The following STPG2 variants were observed in gnomAD, a reference collection of about 807,000 sequenced individuals.
STPG2 encodes the protein sperm tail PG-rich repeat containing 2, also known as sperm-tail PG-rich repeat-containing protein 2.
In STPG2, 56 loss-of-function variants were observed where a neutral mutation model predicts 54.2. That is an observed-to-expected ratio of 1.03 (90% CI 0.83 to 1.29). STPG2 has a LOEUF of 1.29. Ranked by LOEUF, STPG2 falls within the 50% of genes most tolerant of loss-of-function variation. The pLI, the probability that STPG2 is intolerant of heterozygous loss-of-function variation, is 0.00. For synonymous variants in STPG2, 200 were observed against 181.8 expected, an observed-to-expected ratio of 1.10 and a Z score of -0.81; for missense variants, 596 against 544.9, an observed-to-expected ratio of 1.09 and a Z score of -0.93.
chr4:97,856,067 TA>T (rs1560556455), intron 8 of STPG2, among the ~76,000 whole-genome samples: 1 of 152,174 alleles, frequency 6.6e-6, no homozygotes, highest in East Asian at 1.9e-4. Context: ...TTGGTTACTG[TA>T]GCCCCGGACT....
intron 4 of STPG2, among the ~76,000 whole-genome samples, chr4:97,547,768 C>T (rs1560654340): frequency 6.6e-6 from 1 of 152,160 alleles, no homozygotes; most frequent in Non-Finnish European, 1.5e-5. Context: ...GAGGATAAAG[C>T]ATTCCAAGTG....
chr4:97,683,735 A>G (rs1418873515), intron 10 of STPG2, among the ~76,000 whole-genome samples: 1 of 151,836 alleles, frequency 6.6e-6, no homozygotes, highest in Admixed American at 6.6e-5. Flanking sequence ...TCTCACCACT[A>G]GTATTCTATA....
chr4:97,696,205 A>T (rs1723568336), intron 10 of STPG2, among the ~76,000 whole-genome samples: 5 of 152,176 alleles, frequency 3.3e-5, no homozygotes, highest in Admixed American at 3.3e-4. Context: ...ATAATTGAGA[A>T]CCTAGAAATA....
chr4:97,706,162 T>A (rs1049515812), intron 10 of STPG2, among the ~76,000 whole-genome samples: 2 of 152,124 alleles, frequency 1.3e-5, no homozygotes, highest in Non-Finnish European at 2.9e-5. Flanking sequence ...ATATAATATA[T>A]AAAGCATAGG....
At chr4:97,733,890 T>C (rs1724886387) in intron 9 of STPG2, among the ~76,000 whole-genome samples, 1 of 152,340 alleles carries the variant, frequency 6.6e-6, no homozygotes, top group African/African-American at 2.4e-5. Flanking sequence ...GGAGAGGCAG[T>C]TCCTGGCTAT....
intron 9 of STPG2, among the ~76,000 whole-genome samples, chr4:97,767,922 C>A (rs1726102801): frequency 6.6e-6 from 1 of 152,174 alleles, no homozygotes; most frequent in African/African-American, 2.4e-5. Flanking sequence ...AATCCCAGCA[C>A]TTTGGGAGGC....
chr4:97,809,199 A>T (rs1180368398), intron 9 of STPG2, among the ~76,000 whole-genome samples: 8 of 152,212 alleles, frequency 5.3e-5, no homozygotes, highest in Non-Finnish European at 1.2e-4. Flanking sequence ...AGATAGAAAT[A>T]TCTCAAGTCC....
intron 8 of STPG2, among the ~76,000 whole-genome samples, chr4:97,885,464 A>G (rs1730528332): frequency 6.6e-6 from 1 of 152,172 alleles, no homozygotes; most frequent in South Asian, 2.1e-4. Flanking sequence ...TGAAAAATGT[A>G]TTTTCCAACC....
chr4:97,569,575 G>A (rs1409074316), intron 10 of STPG2, among the ~76,000 whole-genome samples: 5 of 152,090 alleles, frequency 3.3e-5, no homozygotes, highest in Non-Finnish European at 7.4e-5. Flanking sequence ...GAATATAACA[G>A]AAATCCATTA....
At chr4:97,935,785 G>T (rs1429023765) in intron 8 of STPG2, among the ~76,000 whole-genome samples, 1 of 152,104 alleles carries the variant, frequency 6.6e-6, no homozygotes, top group Non-Finnish European at 1.5e-5. Context: ...GCTGAGGAGT[G>T]TTTTACTTCC....
rs370467714 is a variant in STPG2, at chr4:98,041,568, C to T, written c.613-60250G>A. On this transcript the variant is annotated intron_variant, in intron 5 of 10. Transcript: ENST00000295268. Reference sequence around the variant, plus strand: ...TGATGCTAAATTTTATCAAATGCTGCTTCTGCATCTATTGAGATGATCATA... The same window carrying T: ...TGATGCTAAATTTTATCAAATGCTGTTTCTGCATCTATTGAGATGATCATA... Among the ~76,000 whole-genome samples, 27 of 151,818 alleles carry T rather than the reference C, an allele frequency of 1.8e-4. 1 individual carries two copies. The highest frequency in any genetic ancestry group is 6.0e-4 in the African/African-American group (25 of 41,482).
intron 7 of STPG2, among the ~76,000 whole-genome samples, chr4:97,954,005 A>G (rs2149242546): frequency 6.6e-6 from 1 of 152,302 alleles, no homozygotes; most frequent in Non-Finnish European, 1.5e-5. Context: ...TTACTGTCAT[A>G]TATATGGTAC....
intron 10 of STPG2, among the ~76,000 whole-genome samples, chr4:97,640,912 A>G (rs1386648166): frequency 2.0e-5 from 3 of 151,740 alleles, no homozygotes; most frequent in African/African-American, 7.2e-5. Context: ...AAGGTTAGGC[A>G]TAAACATAGA....
intron 4 of STPG2, among the ~76,000 whole-genome samples, chr4:97,508,287 C>T (rs6816658): frequency 0.082 from 12,417 of 151,984 alleles, 727 homozygotes; most frequent in African/African-American, 0.17. Context: ...AAAAGATACA[C>T]ACTATTTTCA....
At chr4:97,913,208 A>T (rs1731747618) in intron 8 of STPG2, among the ~76,000 whole-genome samples, 1 of 152,168 alleles carries the variant, frequency 6.6e-6, no homozygotes, top group Admixed American at 6.5e-5. Context: ...TTAACAAATG[A>T]TTCTATTTTT....
intron 8 of STPG2, among the ~76,000 whole-genome samples, chr4:97,898,984 G>C (rs188869944): frequency 2.8e-4 from 42 of 151,704 alleles, no homozygotes; most frequent in African/African-American, 1.0e-3. Flanking sequence ...AATCAGGCAA[G>C]AGAAAAAAAT....
At chr4:97,463,980 T>C (rs983748367) in intron 4 of STPG2, among the ~76,000 whole-genome samples, 4 of 152,242 alleles carry the variant, frequency 2.6e-5, no homozygotes, top group Admixed American at 6.5e-5. Flanking sequence ...TTCCGTTACA[T>C]AGATGTACCA....
intron 8 of STPG2, among the ~76,000 whole-genome samples, chr4:97,886,871 T>G (rs1364694339): frequency 6.6e-6 from 1 of 152,174 alleles, no homozygotes; most frequent in Non-Finnish European, 1.5e-5. Context: ...TCAGTGCTGT[T>G]CTGGTGATAG....
intron 10 of STPG2, among the ~76,000 whole-genome samples, chr4:97,693,483 T>C (rs1723447161): frequency 1.3e-5 from 2 of 151,972 alleles, no homozygotes; most frequent in South Asian, 4.1e-4. Flanking sequence ...AAGGAAAATA[T>C]CACAATCCTA....
Sources: allele counts gnomAD v4.1 joint callset (sites outside exome capture counted in the v4.1 genomes callset), GRCh38; gene constraint gnomAD v4.1.1; transcripts MANE v1.5; gene names NCBI Gene and HGNC (gene_info 2026-07-23, HGNC 2026-07-21).